The following ZNF521 variants were observed in gnomAD, a reference collection of about 807,000 sequenced individuals.
ZNF521 encodes the protein zinc finger protein 521.
ZNF521 carries 14 observed loss-of-function variants against 105.5 expected under a neutral mutation model. The observed-to-expected ratio is 0.13, with a 90% CI of 0.09 to 0.21. ZNF521 has a LOEUF of 0.21. ZNF521 is among the 10% of genes least tolerant of loss of function. ZNF521 has a pLI of 1.00. For missense variants in ZNF521, 1,233 were observed against 1,629.7 expected, an observed-to-expected ratio of 0.76 and a Z score of 4.19; for synonymous variants, 635 against 606.0, an observed-to-expected ratio of 1.05 and a Z score of -0.70.
chr18:25,165,746 T>C (rs897881621), intron 5 of ZNF521, among the ~76,000 whole-genome samples: 1 of 152,240 alleles, frequency 6.6e-6, no homozygotes, highest in Non-Finnish European at 1.5e-5. Flanking sequence ...GATTCTTTCT[T>C]TGAAAACACA....
At chr18:25,235,935 A>G (rs1336744820) in intron 3 of ZNF521, among the ~76,000 whole-genome samples, 1 of 131,016 alleles carries the variant, frequency 7.6e-6, no homozygotes, top group Non-Finnish European at 1.6e-5. Flanking sequence ...TATTACTACA[A>G]TTATCCATAT....
intron 2 of ZNF521, among the ~76,000 whole-genome samples, chr18:25,347,619 T>C (rs144226781): frequency 2.6e-5 from 4 of 152,158 alleles, no homozygotes; most frequent in Non-Finnish European, 4.4e-5. Flanking sequence ...TGAAGTTTCC[T>C]ACAAACAAAA....
chr18:25,319,040 T>C (rs1334629276), intron 3 of ZNF521, among the ~76,000 whole-genome samples: 1 of 152,120 alleles, frequency 6.6e-6, no homozygotes, highest in Non-Finnish European at 1.5e-5. Context: ...GAGCATCTAT[T>C]TGCATCAGAA....
At chr18:25,326,476 C>A (rs567628968) in intron 2 of ZNF521, among the ~76,000 whole-genome samples, 1 of 152,310 alleles carries the variant, frequency 6.6e-6, no homozygotes, top group South Asian at 2.1e-4. Context: ...CCAATAGTGT[C>A]CATCGCAAAA....
chr18:25,195,128 C>T, intron 5 of ZNF521, 32 bp downstream of exon 5: 1 of 1,478,548 alleles, frequency 6.8e-7, no homozygotes, highest in Non-Finnish European at 9.4e-7. Flanking sequence ...GAAGAAACAT[C>T]TATCTGTAAT....
At chr18:25,321,358 C>A (rs1257806857) in intron 3 of ZNF521, among the ~76,000 whole-genome samples, 38 of 152,330 alleles carry the variant, frequency 2.5e-4, no homozygotes, top group Non-Finnish European at 2.9e-5. Flanking sequence ...CAACATGTTA[C>A]TTTAAATCTG....
chr18:25,319,695 A>G (rs982190271), intron 3 of ZNF521, among the ~76,000 whole-genome samples: 2 of 152,208 alleles, frequency 1.3e-5, no homozygotes, highest in Non-Finnish European at 2.9e-5. Context: ...TTAACCATAT[A>G]CAAAGAGAAA....
chr18:25,280,323 G>A (rs911411364), intron 3 of ZNF521, among the ~76,000 whole-genome samples: 5 of 151,696 alleles, frequency 3.3e-5, no homozygotes, highest in African/African-American at 9.7e-5. Context: ...GAAGGCACAC[G>A]ACAATTCTGT....
intron 3 of ZNF521, among the ~76,000 whole-genome samples, chr18:25,290,041 A>G: frequency 6.6e-6 from 1 of 152,226 alleles, no homozygotes; most frequent in East Asian, 1.9e-4. Flanking sequence ...CACACAACTG[A>G]AATGTTATAC....
intron 3 of ZNF521, among the ~76,000 whole-genome samples, chr18:25,320,883 T>C (rs1175953192): frequency 6.6e-6 from 1 of 152,194 alleles, no homozygotes; most frequent in African/African-American, 2.4e-5. Flanking sequence ...TTCTGGGGCC[T>C]AATAAACTTG....
rs150382374 is a variant in ZNF521 at position 25,170,385 on chromosome 18, TAG to T, written c.3658+24773_3658+24774del. On this transcript the variant is annotated intron_variant, in intron 5 of 7. Coordinates refer to ENST00000361524, the MANE Select transcript of ZNF521 (RefSeq NM_015461.3). ...TGCTTGGCAATGACTGACTTCCCAT[TAG>T]AGTTTTTCCTAATTACAGCCAAATA... Among the ~76,000 whole-genome samples, 1,402 of 152,218 alleles carry T rather than the reference TAG, an allele frequency of 9.2e-3. 25 individuals are homozygous for T. The highest frequency in any genetic ancestry group is 0.033 in the African/African-American group (1,355 of 41,536).
At chr18:25,067,107 C>T (rs973385251) in intron 7 of ZNF521, among the ~76,000 whole-genome samples, 14 of 152,078 alleles carry the variant, frequency 9.2e-5, no homozygotes, top group South Asian at 2.1e-4. Flanking sequence ...AAGCCATCTC[C>T]TGGAGACCCC....
chr18:25,344,111 C>A (rs1041812615), intron 2 of ZNF521, among the ~76,000 whole-genome samples: 4 of 150,798 alleles, frequency 2.7e-5, no homozygotes, highest in Non-Finnish European at 5.9e-5. Context: ...TCTTTCATCT[C>A]TAATAATTAC....
At chr18:25,336,732 G>A (rs1913908153) in intron 2 of ZNF521, among the ~76,000 whole-genome samples, 1 of 152,162 alleles carries the variant, frequency 6.6e-6, no homozygotes, top group Non-Finnish European at 1.5e-5. Flanking sequence ...GCTTCAGAAA[G>A]GGCTATGTGC....
intron 3 of ZNF521, among the ~76,000 whole-genome samples, chr18:25,269,828 A>C (rs1909526484): frequency 6.6e-6 from 1 of 152,226 alleles, no homozygotes; most frequent in African/African-American, 2.4e-5. Context: ...AATGCCCACA[A>C]GACAAAGCAG....
intron 2 of ZNF521, among the ~76,000 whole-genome samples, chr18:25,327,071 G>C (rs1913259337): frequency 6.6e-6 from 1 of 152,044 alleles, no homozygotes; most frequent in South Asian, 2.1e-4. Context: ...GATCTCAGTA[G>C]CCTAAAACTG....
intron 5 of ZNF521, among the ~76,000 whole-genome samples, chr18:25,180,828 T>C (rs971708976): frequency 2.0e-5 from 3 of 151,938 alleles, no homozygotes; most frequent in African/African-American, 7.3e-5. Flanking sequence ...TAAAAGGTTC[T>C]GCCTCATTCA....
At chr18:25,201,070 C>T (rs1336460620) in intron 4 of ZNF521, 1 of 151,344 alleles carries the variant, frequency 6.6e-6, no homozygotes, top group Non-Finnish European at 1.5e-5. Context: ...TCATTTCTCC[C>T]TTTCTAGTAG....
intron 2 of ZNF521, among the ~76,000 whole-genome samples, chr18:25,344,997 C>T (rs1396786250): frequency 1.3e-5 from 2 of 152,110 alleles, no homozygotes; most frequent in African/African-American, 4.8e-5. Flanking sequence ...CTATCAAAAC[C>T]TCTTTCTTCT....
Sources: allele counts gnomAD v4.1 joint callset (sites outside exome capture counted in the v4.1 genomes callset), GRCh38; gene constraint gnomAD v4.1.1; transcripts MANE v1.5; gene names NCBI Gene and HGNC (gene_info 2026-07-23, HGNC 2026-07-21).